NT5DC1: variants seen among roughly 807,000 people sequenced by gnomAD.
NT5DC1 encodes the protein 5'-nucleotidase domain containing 1, also known as 5'-nucleotidase domain-containing protein 1.
Under a neutral mutation model 59.4 loss-of-function variants are expected in NT5DC1, and 42 were observed. That is an observed-to-expected ratio of 0.71 (90% confidence interval 0.55 to 0.92). The LOEUF (loss-of-function observed/expected upper bound fraction) is 0.92, where lower values mean the gene tolerates loss of function less well. Ranked by LOEUF, NT5DC1 falls within the 40% of genes least tolerant of loss-of-function variation. The pLI is 0.00. For missense variants in NT5DC1, 501 were observed against 537.1 expected (o/e 0.93, Z 0.66); for synonymous variants, 172 against 188.1 (o/e 0.91, Z 0.70).
At chr6:116,148,363 C>G (rs1402666855) in intron 6 of NT5DC1, among the ~76,000 whole-genome samples, 1 of 152,072 alleles carries the variant, frequency 6.6e-6, no homozygotes, top group Non-Finnish European at 1.5e-5. Flanking sequence ...AATATTGTAG[C>G]ATTTGTTTTC....
chr6:116,160,854 G>T (rs1370136098), intron 6 of NT5DC1, among the ~76,000 whole-genome samples: 1 of 152,020 alleles, frequency 6.6e-6, no homozygotes, highest in Non-Finnish European at 1.5e-5. Flanking sequence ...TATACCCAAA[G>T]GACTATAAAT....
chr6:116,100,911 C>G lies in NT5DC1; in HGVS notation c.-20C>G, dbSNP rs765344332. 30 of 1,586,940 alleles carry G rather than the reference C, an allele frequency of 1.9e-5. No homozygotes were observed. The South Asian group carries it at 2.6e-4, about 14-fold the overall frequency. On this transcript the variant is annotated 5_prime_UTR_variant, in exon 1 of 12. Coordinates refer to ENST00000319550, the MANE Select transcript of NT5DC1 (RefSeq NM_152729.3). ...GCACCCTTCGCGGCCGAGGCGCTCC[C>G]TGGTGCTCCCCGCGCAGCCATGGCT...
chr6:116,157,298 C>T (rs1323630920), intron 6 of NT5DC1, among the ~76,000 whole-genome samples: 1 of 152,098 alleles, frequency 6.6e-6, no homozygotes, highest in African/African-American at 2.4e-5. Context: ...GATTGTGTGG[C>T]ACCAGTCAGT....
intron 8 of NT5DC1, among the ~76,000 whole-genome samples, chr6:116,234,402 A>C (rs1238108631): frequency 6.6e-6 from 1 of 152,096 alleles, no homozygotes; most frequent in Non-Finnish European, 1.5e-5. Flanking sequence ...GTGTGGTGAC[A>C]TGATCTCGGC....
chr6:116,171,015 G>A (rs1780592411), intron 6 of NT5DC1, among the ~76,000 whole-genome samples: 1 of 151,794 alleles, frequency 6.6e-6, no homozygotes, highest in African/African-American at 2.4e-5. Flanking sequence ...ACCCTACCAC[G>A]CCTCTTCATT....
At chr6:116,194,215 T>G (rs1413463302) in intron 6 of NT5DC1, among the ~76,000 whole-genome samples, 1 of 152,120 alleles carries the variant, frequency 6.6e-6, no homozygotes, top group East Asian at 1.9e-4. Context: ...AGGAAATCTA[T>G]TTGATCTTTA....
At chr6:116,200,248 C>T (rs1781320983) in intron 6 of NT5DC1, among the ~76,000 whole-genome samples, 2 of 151,796 alleles carry the variant, frequency 1.3e-5, no homozygotes, top group African/African-American at 4.8e-5. Context: ...TCAAAGTTAC[C>T]AAAAACAGGG....
intron 8 of NT5DC1, among the ~76,000 whole-genome samples, chr6:116,231,341 A>G (rs918062854): frequency 6.6e-6 from 1 of 152,160 alleles, no homozygotes; most frequent in Non-Finnish European, 1.5e-5. Context: ...TCTAGCCCAG[A>G]ATTGAGGAAG....
chr6:116,139,626 T>C (rs2114359860), intron 6 of NT5DC1, among the ~76,000 whole-genome samples: 2 of 152,302 alleles, frequency 1.3e-5, no homozygotes, highest in South Asian at 4.1e-4. Context: ...AAAATTTGGT[T>C]GTTTTACTTT....
chr6:116,159,662 G>A (rs1429374286), intron 6 of NT5DC1, among the ~76,000 whole-genome samples: 1 of 152,144 alleles, frequency 6.6e-6, no homozygotes, highest in Non-Finnish European at 1.5e-5. Context: ...GGATATATGT[G>A]CAGGTTTGTT....
At chr6:116,217,649 A>G (rs1019811614) in intron 6 of NT5DC1, among the ~76,000 whole-genome samples, 23 of 152,118 alleles carry the variant, frequency 1.5e-4, no homozygotes, top group Non-Finnish European at 1.5e-5. Context: ...CAGTTTGGCT[A>G]TATGGTACTA....
rs1045877302 is a variant in NT5DC1, at chr6:116,233,984, T to TG, written c.803-2982_803-2981insG. Among the ~76,000 whole-genome samples, 55 of 148,982 alleles carry TG rather than the reference T, an allele frequency of 3.7e-4. No individual in the cohort carries two copies. The East Asian group carries it at 9.6e-3, about 26-fold the overall frequency. ...TTTCTATATCTTATAACTGTTTTTTTTTTTTTTTTTTGAGACGGAATCTCA... is the reference window on the plus strand; with the variant it reads ...TTTCTATATCTTATAACTGTTTTTTTGTTTTTTTTTTTGAGACGGAATCTCA... On this transcript the variant is annotated intron_variant, in intron 8 of 11. Transcript: ENST00000319550.
intron 6 of NT5DC1, among the ~76,000 whole-genome samples, chr6:116,125,057 T>C (rs1463373731): frequency 2.6e-5 from 4 of 152,234 alleles, no homozygotes; most frequent in African/African-American, 9.6e-5. Flanking sequence ...CATGCAGTTA[T>C]TTGTGCAAAA....
intron 6 of NT5DC1, among the ~76,000 whole-genome samples, chr6:116,207,524 C>G (rs577984502): frequency 1.9e-4 from 29 of 151,758 alleles, no homozygotes; most frequent in African/African-American, 7.0e-4. Flanking sequence ...AAAAGTCTTT[C>G]ATCTTTATGT....
At chr6:116,211,201 G>A (rs899288115) in intron 6 of NT5DC1, among the ~76,000 whole-genome samples, 9 of 152,124 alleles carry the variant, frequency 5.9e-5, no homozygotes, top group African/African-American at 1.7e-4. Flanking sequence ...AGCTCTCACC[G>A]TTCCAGCCAG....
chr6:116,157,677 T>C (rs542873408), intron 6 of NT5DC1, among the ~76,000 whole-genome samples: 82 of 152,290 alleles, frequency 5.4e-4, no homozygotes, highest in South Asian at 1.2e-3. Context: ...TTGGGCTCAT[T>C]TTTTAACAAA....
rs904075065 is a variant in NT5DC1, at chr6:116,238,176, C to CT, written c.922-10dup. 5 of 1,584,944 alleles carry CT rather than the reference C, an allele frequency of 3.2e-6. No individual in the cohort carries two copies. The African/African-American group carries it at 6.8e-5, about 22-fold the overall frequency. On this transcript the variant is annotated splice_polypyrimidine_tract_variant and intron_variant, in intron 9 of 11. Transcript: ENST00000319550. ...CTGTGCCTCAAACAGCATCTGCTAT[C>CT]TGTCTTACAGGTTGTTTATTTTGGT... is the stretch of plus-strand genomic sequence containing the variant.
At chr6:116,189,852 C>T (rs1348807033) in intron 6 of NT5DC1, among the ~76,000 whole-genome samples, 1 of 151,954 alleles carries the variant, frequency 6.6e-6, no homozygotes, top group Non-Finnish European at 1.5e-5. Context: ...TAAATGCTTC[C>T]GTTCAGGGGA....
At chr6:116,116,016 AAAAG>A (rs1204136417) in intron 5 of NT5DC1, among the ~76,000 whole-genome samples, 2 of 152,186 alleles carry the variant, frequency 1.3e-5, no homozygotes, top group Non-Finnish European at 2.9e-5. Flanking sequence ...AAAGTTTAGA[AAAAG>A]AAAAGAAATA....
Sources: allele counts gnomAD v4.1 joint callset (sites outside exome capture counted in the v4.1 genomes callset), GRCh38; gene constraint gnomAD v4.1.1; transcripts MANE v1.5; gene names NCBI Gene and HGNC (gene_info 2026-07-23, HGNC 2026-07-21).